Variants in RBFOX1 observed in about 807,000 individuals in gnomAD.
The protein encoded by RBFOX1 is RNA binding fox-1 homolog 1.
A neutral mutation model predicts 57.7 loss-of-function variants in RBFOX1; 8 were observed. The ratio of observed to expected loss-of-function variants is 0.14; its 90% CI spans 0.08 to 0.25. The LOEUF is 0.25. RBFOX1 is among the 10% of genes least tolerant of loss of function. The pLI, the probability that RBFOX1 is intolerant of heterozygous loss-of-function variation, is 1.00. For missense variants in RBFOX1, 611 were observed against 548.5 expected (o/e 1.11, Z -1.14); for synonymous variants, 326 against 222.4 (o/e 1.47, Z -4.15).
At chr16:6,641,393 G>A (rs572469795) in intron 2 of RBFOX1, among the ~76,000 whole-genome samples, 1 of 152,220 alleles carries the variant, frequency 6.6e-6, no homozygotes, top group Admixed American at 6.5e-5. Flanking sequence ...AGGGAGCATT[G>A]CTGTTTTGTT....
At chr16:6,956,149 C>G (rs1316567194) in intron 3 of RBFOX1, among the ~76,000 whole-genome samples, 2 of 152,052 alleles carry the variant, frequency 1.3e-5, no homozygotes, top group African/African-American at 4.8e-5. Flanking sequence ...GGACAGATTG[C>G]TAAGTCTGGG....
chr16:5,346,750 T>C (rs2065149353), intron 1 of RBFOX1, among the ~76,000 whole-genome samples: 2 of 152,186 alleles, frequency 1.3e-5, no homozygotes, highest in Non-Finnish European at 2.9e-5. Flanking sequence ...GTTAAGAGCA[T>C]GGCCTCTGGA....
chr16:5,633,374 G>C (rs1015916895), intron 3 of RBFOX1, among the ~76,000 whole-genome samples: 4 of 152,152 alleles, frequency 2.6e-5, no homozygotes, highest in African/African-American at 9.7e-5. Flanking sequence ...ATAGTTTTAG[G>C]GTTACAGGTG....
At position 6,589,149 on chromosome 16, in the gene RBFOX1, G is replaced by T. The variant is rs79294372; in HGVS notation, c.-63-65454G>T. Among the ~76,000 whole-genome samples, 66 of 152,186 alleles carry T rather than the reference G, an allele frequency of 4.3e-4. No homozygotes were observed. In the East Asian group the frequency reaches 0.012, roughly 27 times the overall value. On this transcript the variant is annotated intron_variant, in intron 2 of 15. Coordinates refer to ENST00000550418, the MANE Select transcript of RBFOX1 (RefSeq NM_018723.4). ...GCTGTACCCACTTTAGTAGAACCAT[G>T]GCACCCAGCTAGAATACCACTGCCA...
rs552350580 is a variant in RBFOX1 at position 6,425,177 on chromosome 16, C to G, written c.-64+108120C>G. On this transcript the variant is annotated intron_variant, in intron 2 of 15. Coordinates refer to ENST00000550418, the MANE Select transcript of RBFOX1 (RefSeq NM_018723.4). ...CTGAAATCTGAGTAGATAGAGGAAC[C>G]AGGATTTTCTGTCCTGGGTTGATTT... Among the ~76,000 whole-genome samples the G allele has an allele frequency of 2.0e-5, 3 of 152,134 alleles. No homozygotes were observed. The South Asian group carries it at 6.2e-4, about 32-fold the overall frequency.
intron 4 of RBFOX1, among the ~76,000 whole-genome samples, chr16:5,950,078 T>C (rs1266407387): frequency 6.6e-6 from 1 of 152,266 alleles, no homozygotes; most frequent in Non-Finnish European, 1.5e-5. Flanking sequence ...TAATCACTTA[T>C]TTAAGGCAGT....
At chr16:7,619,954 G>A (rs796971847) in intron 10 of RBFOX1, among the ~76,000 whole-genome samples, 2 of 152,308 alleles carry the variant, frequency 1.3e-5, no homozygotes, top group African/African-American at 4.8e-5. Flanking sequence ...TCTGTCCCCT[G>A]ACTTCCCACT....
At chr16:6,725,932 A>T (rs1489242694) in intron 3 of RBFOX1, among the ~76,000 whole-genome samples, 1 of 152,158 alleles carries the variant, frequency 6.6e-6, no homozygotes, top group Non-Finnish European at 1.5e-5. Flanking sequence ...CTGATGATAA[A>T]CACTTGAGGG....
intron 3 of RBFOX1, among the ~76,000 whole-genome samples, chr16:5,754,426 C>T: frequency 6.6e-6 from 1 of 151,666 alleles, no homozygotes. Context: ...GTGGGTGTTT[C>T]TCGTAAGGTG....
chr16:7,294,072 A>G (rs2095845264), intron 4 of RBFOX1, among the ~76,000 whole-genome samples: 1 of 152,148 alleles, frequency 6.6e-6, no homozygotes. Context: ...GAAAAAGAGA[A>G]TCTTCTGCAG....
At chr16:5,641,729 G>A (rs1485886609) in intron 3 of RBFOX1, among the ~76,000 whole-genome samples, 1 of 152,200 alleles carries the variant, frequency 6.6e-6, no homozygotes, top group Non-Finnish European at 1.5e-5. Flanking sequence ...GGAATAGCAA[G>A]GAGCTCAGCG....
At chr16:7,479,932 G>A (rs758872626) in intron 4 of RBFOX1, among the ~76,000 whole-genome samples, 14 of 152,232 alleles carry the variant, frequency 9.2e-5, no homozygotes, top group African/African-American at 2.6e-4. Flanking sequence ...GTCAGCAACC[G>A]TTATTAAATT....
At chr16:7,428,024 G>C (rs2098639025) in intron 4 of RBFOX1, among the ~76,000 whole-genome samples, 1 of 152,038 alleles carries the variant, frequency 6.6e-6, no homozygotes, top group African/African-American at 2.4e-5. Context: ...CCTCCTATTT[G>C]CTCATCCTAA....
chr16:7,049,704 G>T (rs982117294), intron 3 of RBFOX1, among the ~76,000 whole-genome samples: 2 of 151,966 alleles, frequency 1.3e-5, no homozygotes, highest in African/African-American at 4.8e-5. Flanking sequence ...TCCACTTGCT[G>T]CTTTTTAATT....
chr16:7,211,413 T>A (rs112602782), intron 4 of RBFOX1, among the ~76,000 whole-genome samples: 3,400 of 98,996 alleles, frequency 0.034, 136 homozygotes, highest in African/African-American at 0.13. Context: ...AAAAAAAAAA[T>A]TGGACTCTGG....
At chr16:7,003,349 A>G (rs1438217269) in intron 3 of RBFOX1, among the ~76,000 whole-genome samples, 1 of 151,882 alleles carries the variant, frequency 6.6e-6, no homozygotes, top group African/African-American at 2.4e-5. Flanking sequence ...AGTCCCAGCT[A>G]CTCAGGAGGC....
intron 4 of RBFOX1, among the ~76,000 whole-genome samples, chr16:7,061,151 C>A (rs1222005791): frequency 6.6e-6 from 1 of 152,028 alleles, no homozygotes; most frequent in Admixed American, 6.6e-5. Context: ...GGAGTTTGCC[C>A]CAAAGTAATT....
rs2152401403 is a variant in RBFOX1 at position 7,533,764 on chromosome 16, A to G, written c.270+15375A>G. On this transcript the variant is annotated intron_variant, in intron 5 of 15. Coordinates refer to ENST00000550418, the MANE Select transcript of RBFOX1 (RefSeq NM_018723.4). ...TGTTTCCACATCATTAAGTTGAAAT[A>G]TCGTAAGTTAGGAATCATCTGTACT... is the stretch of plus-strand genomic sequence containing the variant. 2.0e-5 allele frequency among the ~76,000 whole-genome samples: 3 copies of G among 152,360 alleles called. 1 individual carries two copies. In the South Asian group the frequency reaches 6.2e-4, roughly 32 times the overall value.
At chr16:6,017,332 T>C (rs1236475848), upstream of RBFOX1, among the ~76,000 whole-genome samples, 2 of 152,232 alleles carry the variant, frequency 1.3e-5, no homozygotes, top group Non-Finnish European at 2.9e-5. Context: ...TCATTATTGA[T>C]AATTTGCTTT....
Sources: allele counts gnomAD v4.1 joint callset (sites outside exome capture counted in the v4.1 genomes callset), GRCh38; gene constraint gnomAD v4.1.1; transcripts MANE v1.5; gene names NCBI Gene and HGNC (gene_info 2026-07-23, HGNC 2026-07-21).